Variants in RSF1 observed in about 807,000 individuals in gnomAD.
RSF1 encodes HBV pX-associated protein 8.
In RSF1, 13 loss-of-function variants were observed where a neutral mutation model predicts 145.2. That is an observed-to-expected ratio of 0.09 (90% confidence interval 0.06 to 0.14). RSF1 has a LOEUF of 0.14. RSF1 is among the 10% of genes least tolerant of loss of function. RSF1 has a pLI of 1.00. For missense variants in RSF1, 1,517 were observed against 1,718.2 expected (o/e 0.88, Z 2.07); for synonymous variants, 577 against 592.6 (o/e 0.97, Z 0.38).
At chr11:77,803,713 G>C (rs557524630) in intron 1 of RSF1, among the ~76,000 whole-genome samples, 4 of 152,164 alleles carry the variant, frequency 2.6e-5, no homozygotes, top group African/African-American at 9.6e-5. Flanking sequence ...TGAAGGCGGA[G>C]GTTGCAGTGA....
chr11:77,705,047 G>A (rs958401993), intron 5 of RSF1, among the ~76,000 whole-genome samples: 5 of 152,132 alleles, frequency 3.3e-5, no homozygotes, highest in Admixed American at 1.3e-4. Context: ...CACCATGCCT[G>A]GCCGGCTTGG....
chr11:77,866,885 G>A, the RSF1 span, among the ~76,000 whole-genome samples: 1 of 151,332 alleles, frequency 6.6e-6, no homozygotes, highest in East Asian at 1.9e-4. Flanking sequence ...TTGTTGCCCA[G>A]GCTGGAGTGT....
chr11:77,853,481 C>T, the RSF1 span, among the ~76,000 whole-genome samples: 4 of 151,926 alleles, frequency 2.6e-5, no homozygotes, highest in Admixed American at 6.6e-5. Flanking sequence ...CTCACTATCA[C>T]GAGAACAGCA....
chr11:77,761,944 T>G (rs1948176885), intron 2 of RSF1: 1 of 150,556 alleles, frequency 6.6e-6, no homozygotes, highest in Non-Finnish European at 1.5e-5. Context: ...AAGCAATACT[T>G]TCACCTCAGC....
chr11:77,793,898 A>G (rs1274302425), intron 1 of RSF1, among the ~76,000 whole-genome samples: 1 of 152,212 alleles, frequency 6.6e-6, no homozygotes, highest in Non-Finnish European at 1.5e-5. Context: ...TATACATAAA[A>G]ACAACTTTAA....
rs1407564653 is a variant in RSF1 at position 77,703,299 on chromosome 11, C to G, written c.734-804G>C. 4 of 152,086 alleles carry G rather than the reference C, an allele frequency of 2.6e-5. No individual in the cohort carries two copies. The East Asian group carries it at 7.7e-4, about 29-fold the overall frequency. The allele number at this position is 152,086 out of a possible 1,614,324, so 9.4% of individuals were successfully genotyped here. ...TATATTTTCAACTTTTAAGGAGCAC[C>G]TAATACTAGTGCAGATTTAAACACA... On this transcript the variant is annotated intron_variant, in intron 5 of 15. Transcript: ENST00000308488.
intron 1 of RSF1, among the ~76,000 whole-genome samples, chr11:77,771,176 T>C (rs1034854533): frequency 5.3e-5 from 8 of 152,244 alleles, no homozygotes; most frequent in African/African-American, 1.7e-4. Flanking sequence ...GAAGAACGGA[T>C]TTTTTCCCCC....
the RSF1 span, among the ~76,000 whole-genome samples, chr11:77,832,330 C>A: frequency 1.4e-5 from 2 of 147,744 alleles, no homozygotes; most frequent in South Asian, 4.3e-4. Flanking sequence ...AATAGAGGAA[C>A]TTTTTTTTTT....
At chr11:77,750,114 C>T (rs974066148) in intron 2 of RSF1, among the ~76,000 whole-genome samples, 3 of 151,530 alleles carry the variant, frequency 2.0e-5, no homozygotes, top group Admixed American at 6.6e-5. Context: ...AAAAAAAAAT[C>T]CACTAATTAG....
chr11:77,859,778 A>G, the RSF1 span, among the ~76,000 whole-genome samples: 2 of 152,252 alleles, frequency 1.3e-5, no homozygotes, highest in Non-Finnish European at 2.9e-5. Flanking sequence ...GTTATGTTCT[A>G]TCTTTTCTTC....
At chr11:77,675,342 C>G in intron 13 of RSF1, 86 bp from the exon 14 acceptor site, 1 of 972,142 alleles carries the variant, frequency 1.0e-6, no homozygotes, top group Non-Finnish European at 1.5e-6. Context: ...TTCTGGTGAG[C>G]CCAGTGAATC....
chr11:77,692,233 ATTTTTTT>A (rs71046904), intron 8 of RSF1, among the ~76,000 whole-genome samples: 43 of 49,474 alleles, frequency 8.7e-4, no homozygotes, highest in African/African-American at 2.4e-3. Flanking sequence ...CTACTTTTAA[ATTTTTTT>A]TTTTTTTTTT....
At chr11:77,749,213 G>A (rs1039628141) in intron 2 of RSF1, among the ~76,000 whole-genome samples, 5 of 152,084 alleles carry the variant, frequency 3.3e-5, no homozygotes, top group African/African-American at 1.2e-4. Context: ...TAATAAAAGT[G>A]TTCTCAAATT....
intron 5 of RSF1, among the ~76,000 whole-genome samples, chr11:77,720,289 G>A (rs10899401): frequency 0.4 from 61,296 of 151,972 alleles, 13,047 homozygotes; most frequent in African/African-American, 0.53. Context: ...AAAAAGGACA[G>A]TCTTCTTTCA....
chr11:77,706,685 T>C (rs1960560046), intron 5 of RSF1, among the ~76,000 whole-genome samples: 1 of 152,224 alleles, frequency 6.6e-6, no homozygotes, highest in Middle Eastern at 3.4e-3. Context: ...ACTTTTACTT[T>C]AGGTTCAAGG....
At chr11:77,715,372 T>C (rs1233712984) in intron 5 of RSF1, among the ~76,000 whole-genome samples, 1 of 152,230 alleles carries the variant, frequency 6.6e-6, no homozygotes, top group African/African-American at 2.4e-5. Context: ...CTATTTTAGA[T>C]ATCATAATGT....
intron 1 of RSF1, among the ~76,000 whole-genome samples, chr11:77,780,693 C>T (rs1299670253): frequency 2.0e-5 from 3 of 151,970 alleles, no homozygotes; most frequent in Non-Finnish European, 4.4e-5. Context: ...CGTGTGGTGG[C>T]ACATGCTGGT....
chr11:77,806,563 G>A (rs1948679586), intron 1 of RSF1, among the ~76,000 whole-genome samples: 1 of 151,588 alleles, frequency 6.6e-6, no homozygotes, highest in Non-Finnish European at 1.5e-5. Flanking sequence ...CACAAGTAGT[G>A]CTAGCTACTT....
intron 4 of RSF1, among the ~76,000 whole-genome samples, chr11:77,732,162 A>G (rs1479575899): frequency 1.3e-5 from 2 of 152,242 alleles, no homozygotes; most frequent in Non-Finnish European, 2.9e-5. Context: ...GATGTGAGAC[A>G]GTCAAAAGAG....
Sources: allele counts gnomAD v4.1 joint callset (sites outside exome capture counted in the v4.1 genomes callset), GRCh38; gene constraint gnomAD v4.1.1; transcripts MANE v1.5; gene names NCBI Gene and HGNC (gene_info 2026-07-23, HGNC 2026-07-21).